SHCBP1: variants seen among roughly 807,000 people sequenced by gnomAD.
SHCBP1 encodes SHC binding and spindle associated 1.
In SHCBP1, 60 loss-of-function variants were observed where a neutral mutation model predicts 75.1. The observed-to-expected ratio is 0.80, with a 90% CI of 0.65 to 0.99. The LOEUF is 0.99. SHCBP1 is among the 50% of genes least tolerant of loss of function. The pLI is 0.00. For missense variants in SHCBP1, 709 were observed against 809.4 expected (o/e 0.88, Z 1.50); for synonymous variants, 290 against 293.2 (o/e 0.99, Z 0.11).
At chr16:46,606,725 C>G (rs1965331240) in intron 5 of SHCBP1, among the ~76,000 whole-genome samples, 1 of 152,076 alleles carries the variant, frequency 6.6e-6, no homozygotes, top group South Asian at 2.1e-4. Context: ...AATGGAAAAA[C>G]TGGAAAGCCT....
chr16:46,598,493 AT>A (rs918562957), intron 9 of SHCBP1, among the ~76,000 whole-genome samples: 3 of 152,164 alleles, frequency 2.0e-5, no homozygotes, highest in Non-Finnish European at 4.4e-5. Context: ...AATCTCAATA[AT>A]GGGCCTAAAA....
At chr16:46,615,823 T>C in intron 4 of SHCBP1, 123 bp downstream of exon 4, 2 of 745,220 alleles carry the variant, frequency 2.7e-6, no homozygotes, top group Non-Finnish European at 4.6e-6. Flanking sequence ...TGGATATTTT[T>C]AAATATTGCA....
At chr16:46,585,446 C>T (rs1363481586) in intron 10 of SHCBP1, among the ~76,000 whole-genome samples, 1 of 152,116 alleles carries the variant, frequency 6.6e-6, no homozygotes, top group African/African-American at 2.4e-5. Flanking sequence ...GTGGTAAGTT[C>T]CTTTCTTTTT....
intron 8 of SHCBP1, among the ~76,000 whole-genome samples, chr16:46,602,245 ATG>A (rs1386018231): frequency 1.3e-5 from 2 of 152,198 alleles, no homozygotes; most frequent in Non-Finnish European, 2.9e-5. Context: ...TATCTTGCAG[ATG>A]TGTTATTTAT....
intron 4 of SHCBP1, among the ~76,000 whole-genome samples, chr16:46,609,954 A>AT (rs77526846): frequency 0.13 from 18,112 of 138,548 alleles, 1,904 homozygotes; most frequent in East Asian, 0.51. Flanking sequence ...TTGATATTGG[A>AT]TTTTTTTTTT....
chr16:46,588,153 G>A (rs1251884526), intron 10 of SHCBP1, among the ~76,000 whole-genome samples: 3 of 152,036 alleles, frequency 2.0e-5, no homozygotes, highest in Non-Finnish European at 4.4e-5. Context: ...CAGAATCTCT[G>A]GGACACATTT....
chr16:46,596,439 G>A (rs538858832), intron 9 of SHCBP1, among the ~76,000 whole-genome samples: 17 of 151,952 alleles, frequency 1.1e-4, no homozygotes, highest in Admixed American at 4.6e-4. Context: ...CCCAAAAGGC[G>A]GAGCTTGCAG....
At chr16:46,603,171 A>C (rs2143000429) in intron 8 of SHCBP1, among the ~76,000 whole-genome samples, 1 of 152,358 alleles carries the variant, frequency 6.6e-6, no homozygotes, top group Middle Eastern at 3.4e-3. Flanking sequence ...AGAGCAAGCA[A>C]CAAATTTTTA....
chr16:46,621,304 T>C lies in SHCBP1; in HGVS notation c.56A>G (p.Glu19Gly). The change falls in exon 1 of 13, where the codon GAG becomes GGG. Residue 19 changes from glutamate (E) to glycine (G), a missense_variant. Glu to Gly is a moderately conservative substitution (Grantham distance 98). Transcript: ENST00000303383. ...CTGCTCCACCGCCCAGCCCATGCGC[T>C]CCGGCGCCATGGCCGCTGCCTCCAG... is the stretch of plus-strand genomic sequence containing the variant. ...GGLEAAAMAP[E>G]RMGWAVEQEL... is the part of the protein sequence containing the mutation. 1 of 1,611,156 alleles carries C rather than the reference T, an allele frequency of 6.2e-7. No individual in the cohort carries two copies. Among genetic ancestry groups the C allele is most frequent in the South Asian group, 1.1e-5 (1 of 90,992 alleles).
intron 4 of SHCBP1, among the ~76,000 whole-genome samples, chr16:46,615,305 G>T (rs1265571293): frequency 1.3e-5 from 2 of 152,198 alleles, no homozygotes; most frequent in East Asian, 1.9e-4. Context: ...AGTTTTGGGG[G>T]AGTCAAATGT....
In SHCBP1 at chr16:46,603,615, A is replaced by G. The variant is rs1279054516; in HGVS notation, c.1137T>C (p.Gly379=). The G allele has an allele frequency of 2.4e-5, 39 of 1,614,096 alleles. No individual in the cohort carries two copies. Among genetic ancestry groups the G allele is most frequent in the Non-Finnish European group, 3.1e-5 (37 of 1,180,046 alleles). The change falls in exon 8 of 13, where the codon GGT becomes GGC. Residue 379 remains glycine (G), a synonymous_variant. Coordinates refer to ENST00000303383, the MANE Select transcript of SHCBP1 (RefSeq NM_024745.5). ...GGCCAGGACAAACAATAACAGTGTC[A>G]CCTTCGAAGCAGGCATTTATAGCAG... ...PLSAINACFE[G]DTVIVCPGHY...
At chr16:46,608,846 G>T (rs1041290814) in intron 4 of SHCBP1, among the ~76,000 whole-genome samples, 1 of 152,098 alleles carries the variant, frequency 6.6e-6, no homozygotes, top group East Asian at 1.9e-4. Flanking sequence ...TGATTCACCC[G>T]CCTCGGACTC....
At chr16:46,583,899 T>C in intron 11 of SHCBP1, 104 bp downstream of exon 11, 1 of 1,077,088 alleles carries the variant, frequency 9.3e-7, no homozygotes, top group Non-Finnish European at 1.4e-6. Context: ...ACACTGTTTA[T>C]GCTTTTCAAA....
rs77504068 is a variant in SHCBP1 at position 46,598,255 on chromosome 16, G to A, written c.1345+1576C>T. The stretch of plus-strand genomic sequence containing the variant: ...TCAATTGACTTTGCCCAGACCCATC[G>A]GAGGAATCACTATCAATAGCTGGTA... On this transcript the variant is annotated intron_variant, in intron 9 of 12. Transcript: ENST00000303383. Among the ~76,000 whole-genome samples the A allele has an allele frequency of 5.7e-3, 868 of 152,184 alleles. 5 individuals are homozygous for A. The highest frequency in any genetic ancestry group is 0.034 in the Middle Eastern group (10 of 292).
At position 46,608,285 on chromosome 16, in the gene SHCBP1, A is replaced by G; in HGVS notation, c.689+12T>C. 1 of 1,599,444 alleles carries G rather than the reference A, an allele frequency of 6.3e-7. No individual in the cohort carries two copies. Among genetic ancestry groups the G allele is most frequent in the Non-Finnish European group, 8.6e-7 (1 of 1,166,982 alleles). ...TCCAACATGTACAACAAGGTCAGCA[A>G]TAAATACTTACAATCTTAATCGAGG... On this transcript the variant is annotated intron_variant, in intron 5 of 12. Coordinates refer to ENST00000303383, the MANE Select transcript of SHCBP1 (RefSeq NM_024745.5).
At chr16:46,611,089 A>C (rs1162309858) in intron 4 of SHCBP1, among the ~76,000 whole-genome samples, 2 of 152,004 alleles carry the variant, frequency 1.3e-5, no homozygotes, top group Non-Finnish European at 2.9e-5. Context: ...ATTTCCTCCC[A>C]CATCCCAAAG....
rs1294342075 is a variant in SHCBP1, at chr16:46,616,570, T to G, written c.388-416A>C. The stretch of plus-strand genomic sequence containing the variant: ...TCTTGCTGGAGCCAAAGGGAGGAAA[T>G]GGAGGAGGGGGGCGGTGTGCAGTGG... On this transcript the variant is annotated intron_variant, in intron 3 of 12. Coordinates refer to ENST00000303383, the MANE Select transcript of SHCBP1 (RefSeq NM_024745.5). The surrounding 1 kb of genome is among the most constrained non-coding windows in gnomAD (Gnocchi z 4.4). Among the ~76,000 whole-genome samples, 2 of 150,748 alleles carry G rather than the reference T, an allele frequency of 1.3e-5. No individual in the cohort carries two copies. The highest frequency in any genetic ancestry group is 1.9e-4 in the East Asian group (1 of 5,160).
chr16:46,617,921 T>C (rs1261321748), intron 2 of SHCBP1, among the ~76,000 whole-genome samples, 172 bp from the exon 3 acceptor site: 1 of 152,218 alleles, frequency 6.6e-6, no homozygotes, highest in African/African-American at 2.4e-5. Flanking sequence ...CTCATGCCTA[T>C]AATCCCAGCA....
chr16:46,621,114 C>A, intron 1 of SHCBP1, 143 bp downstream of exon 1: 2 of 682,170 alleles, frequency 2.9e-6, no homozygotes, highest in Non-Finnish European at 2.3e-6. Flanking sequence ...GGTCCCGTCA[C>A]TGGGTCCCGG....
Sources: gnomAD v4.1 joint callset for allele counts (sites outside exome capture counted in the v4.1 genomes callset) on GRCh38, gnomAD v4.1.1 for gene constraint, Gnocchi (gnomAD v3.1) non-coding constraint, MANE v1.5 for transcripts, NCBI Gene and HGNC (gene_info 2026-07-23, HGNC 2026-07-21) for gene names.